RGS7: variants seen among roughly 807,000 people sequenced by gnomAD.
The protein encoded by RGS7 is regulator of G protein signaling 7, also known as regulator of G-protein signaling 7.
A neutral mutation model predicts 81.1 loss-of-function variants in RGS7; 27 were observed. The ratio of observed to expected loss-of-function variants is 0.33; its 90% confidence interval spans 0.25 to 0.46. RGS7 has a LOEUF of 0.46. Among genes scored for constraint, RGS7 ranks in the 20% least tolerant of loss-of-function variants. RGS7 has a pLI of 1.00. For synonymous variants in RGS7, 208 were observed against 207.7 expected, an observed-to-expected ratio of 1.00 and a Z score of -0.01; for missense variants, 396 against 607.4, an observed-to-expected ratio of 0.65 and a Z score of 3.66.
At chr1:241,097,113 CA>C (rs142509810) in intron 3 of RGS7, among the ~76,000 whole-genome samples, 10,301 of 151,814 alleles carry the variant, frequency 0.068, 1,153 homozygotes, top group African/African-American at 0.24. Context: ...ATGCAAAAAC[CA>C]AGGCCTTTGA....
At chr1:241,187,088 C>T (rs2072190001) in intron 2 of RGS7, among the ~76,000 whole-genome samples, 3 of 151,640 alleles carry the variant, frequency 2.0e-5, no homozygotes, top group Admixed American at 2.0e-4. Context: ...TTTTGAAGTA[C>T]TGAAAAGGTT....
intron 3 of RGS7, among the ~76,000 whole-genome samples, chr1:241,096,262 A>C (rs749728744): frequency 9.5e-4 from 144 of 152,198 alleles, no homozygotes; most frequent in Non-Finnish European, 1.7e-3. Flanking sequence ...CCACAAAAGA[A>C]TAGAGGAATT....
chr1:241,019,600 T>C (rs944890794), intron 3 of RGS7, among the ~76,000 whole-genome samples: 1 of 152,048 alleles, frequency 6.6e-6, no homozygotes, highest in African/African-American at 2.4e-5. Context: ...AGTGAAAACA[T>C]GCGGTGTTTG....
Position 241,174,963 on chromosome 1 carries a change from C to T in RGS7, c.79-76201G>A, listed in dbSNP as rs184947886. On this transcript the variant is annotated intron_variant, in intron 2 of 18. Transcript: ENST00000440928. The stretch of plus-strand genomic sequence containing the variant: ...TGTCACCTGAGCTGGAGTGCAGTGG[C>T]GCAATCTCGGCTCACTACAACCTCC... Among the ~76,000 whole-genome samples, 200 of 128,220 alleles carry T rather than the reference C, an allele frequency of 1.6e-3. 1 individual carries two copies. The highest frequency in any genetic ancestry group is 5.7e-3 in the African/African-American group (187 of 32,988). The allele number at this position is 128,220 out of a possible 152,430, so 84.1% of individuals were successfully genotyped here.
At chr1:240,941,443 C>T (rs1257623590) in intron 4 of RGS7, among the ~76,000 whole-genome samples, 1 of 152,060 alleles carries the variant, frequency 6.6e-6, no homozygotes, top group East Asian at 1.9e-4. Flanking sequence ...AAGTTTAGCA[C>T]TCAGCATATC....
intron 3 of RGS7, among the ~76,000 whole-genome samples, chr1:241,090,680 G>A (rs1005414383): frequency 6.6e-6 from 1 of 151,916 alleles, no homozygotes; most frequent in African/African-American, 2.4e-5. Flanking sequence ...CTCCTTCACT[G>A]GGTTCTCTGA....
intron 9 of RGS7, among the ~76,000 whole-genome samples, chr1:240,851,286 T>C (rs1472417328): frequency 6.6e-6 from 1 of 152,220 alleles, no homozygotes; most frequent in Non-Finnish European, 1.5e-5. Flanking sequence ...CTACTGTGCC[T>C]GTGTTCTACA....
At chr1:240,971,036 T>C (rs1683127488) in intron 4 of RGS7, among the ~76,000 whole-genome samples, 1 of 152,168 alleles carries the variant, frequency 6.6e-6, no homozygotes, top group Non-Finnish European at 1.5e-5. Flanking sequence ...ACCATAATTT[T>C]GGTGGCTCTG....
chr1:241,333,716 TTTC>T (rs1403627012), intron 2 of RGS7, among the ~76,000 whole-genome samples: 1 of 152,166 alleles, frequency 6.6e-6, no homozygotes, highest in Non-Finnish European at 1.5e-5. Context: ...TTCACTGTAT[TTTC>T]TTATTTTCAT....
At chr1:240,897,334 G>A (rs1375222513) in intron 6 of RGS7, among the ~76,000 whole-genome samples, 3 of 152,192 alleles carry the variant, frequency 2.0e-5, no homozygotes, top group Non-Finnish European at 4.4e-5. Flanking sequence ...TAGGAATGGT[G>A]AGAGAGGGCA....
intron 2 of RGS7, among the ~76,000 whole-genome samples, chr1:241,325,324 A>G (rs143833999): frequency 6.6e-6 from 1 of 152,250 alleles, no homozygotes; most frequent in Non-Finnish European, 1.5e-5. Flanking sequence ...GATCCAAACT[A>G]GCAGAGGATC....
At chr1:241,302,655 C>CA (rs1160571201) in intron 2 of RGS7, among the ~76,000 whole-genome samples, 2 of 152,118 alleles carry the variant, frequency 1.3e-5, no homozygotes, top group Non-Finnish European at 2.9e-5. Flanking sequence ...TCTTATCATA[C>CA]AAAATTTTAA....
At chr1:241,087,944 A>ATCTCTC (rs574047844) in intron 3 of RGS7, among the ~76,000 whole-genome samples, 17 of 116,112 alleles carry the variant, frequency 1.5e-4, no homozygotes, top group East Asian at 4.6e-4. Flanking sequence ...GCAAGACTCC[A>ATCTCTC]TCTCTCTCTC....
chr1:240,793,245 T>C (rs1276755718), intron 18 of RGS7, among the ~76,000 whole-genome samples: 1 of 152,018 alleles, frequency 6.6e-6, no homozygotes, highest in Non-Finnish European at 1.5e-5. Flanking sequence ...ACTTAAGAAC[T>C]AACGATGCTG....
At chr1:241,028,965 T>G (rs1050676905) in intron 3 of RGS7, among the ~76,000 whole-genome samples, 1 of 151,916 alleles carries the variant, frequency 6.6e-6, no homozygotes, top group Admixed American at 6.6e-5. Flanking sequence ...AAACTAAGAA[T>G]AAGATGAATG....
intron 2 of RGS7, among the ~76,000 whole-genome samples, chr1:241,116,447 C>G (rs1370954749): frequency 1.3e-5 from 2 of 152,096 alleles, no homozygotes; most frequent in Admixed American, 6.6e-5. Flanking sequence ...AGTGGTTGCT[C>G]TCTCCTAGCA....
At chr1:241,319,488 T>C (rs2081085392) in intron 2 of RGS7, among the ~76,000 whole-genome samples, 1 of 152,112 alleles carries the variant, frequency 6.6e-6, no homozygotes, top group Non-Finnish European at 1.5e-5. Context: ...ATAATGATTG[T>C]GAAATACTCC....
At chr1:241,149,539 A>AT (rs1340825627) in intron 2 of RGS7, among the ~76,000 whole-genome samples, 1 of 152,032 alleles carries the variant, frequency 6.6e-6, no homozygotes, top group Non-Finnish European at 1.5e-5. Context: ...GTACACTGGC[A>AT]TGGTCCTGCT....
At chr1:241,000,206 T>C (rs1278017567) in intron 3 of RGS7, among the ~76,000 whole-genome samples, 1 of 152,038 alleles carries the variant, frequency 6.6e-6, no homozygotes, top group Non-Finnish European at 1.5e-5. Context: ...CACTGAAATG[T>C]GGATGGGGGA....
Sources: gnomAD v4.1 joint callset for allele counts (sites outside exome capture counted in the v4.1 genomes callset) on GRCh38, gnomAD v4.1.1 for gene constraint, MANE v1.5 for transcripts, NCBI Gene and HGNC (gene_info 2026-07-23, HGNC 2026-07-21) for gene names.